The following SCN3A variants were observed in gnomAD, a reference collection of about 807,000 sequenced individuals.
SCN3A encodes sodium voltage-gated channel alpha subunit 3, also known as sodium channel protein type 3 subunit alpha.
In SCN3A, 60 loss-of-function variants were observed where a neutral mutation model predicts 187.6. That is an observed-to-expected ratio of 0.32 (90% CI 0.26 to 0.40). The LOEUF (loss-of-function observed/expected upper bound fraction) is 0.40. Among genes scored for constraint, SCN3A ranks in the 10% least tolerant of loss-of-function variants. The probability of loss-of-function intolerance (pLI) is 1.00; values close to 1 mark genes in which losing one functional copy is unlikely to be tolerated. For synonymous variants in SCN3A, 788 were observed against 829.2 expected (o/e 0.95, Z 0.85); for missense variants, 1,601 against 2,428.2 (o/e 0.66, Z 7.16).
chr2:165,128,328 G>A (rs1687117956), intron 17 of SCN3A, among the ~76,000 whole-genome samples: 1 of 151,902 alleles, frequency 6.6e-6, no homozygotes, highest in Non-Finnish European at 1.5e-5. Context: ...TTTCCTATTG[G>A]GAGGGACAAT....
intron 7 of SCN3A, among the ~76,000 whole-genome samples, chr2:165,163,397 A>G (rs943265963): frequency 6.6e-6 from 1 of 152,266 alleles, no homozygotes; most frequent in East Asian, 1.9e-4. Context: ...GCATTTTTTG[A>G]AGATGTCTCA....
chr2:165,133,588 C>T (rs2105786022), intron 15 of SCN3A, among the ~76,000 whole-genome samples: 1 of 152,008 alleles, frequency 6.6e-6, no homozygotes, highest in East Asian at 1.9e-4. Context: ...AAGTGATCTG[C>T]CCGCCTCAGC....
chr2:165,146,380 A>ATG (rs1326098670), intron 12 of SCN3A, among the ~76,000 whole-genome samples: 55 of 90,590 alleles, frequency 6.1e-4, no homozygotes, highest in African/African-American at 1.3e-3. Flanking sequence ...ATATATATAT[A>ATG]TATGTGTGTG....
In SCN3A at chr2:165,092,324, G is replaced by A. The variant is rs138063256; in HGVS notation, c.4737C>T (p.Ser1579=). 1 of 1,613,794 alleles carries A rather than the reference G, an allele frequency of 6.2e-7. No individual in the cohort carries two copies. Among genetic ancestry groups the A allele is most frequent in the Non-Finnish European group, 8.5e-7 (1 of 1,179,892 alleles). The change falls in exon 27 of 28, where the codon TCC becomes TCT. Residue 1579 remains serine (S), a synonymous_variant. Transcript: ENST00000283254. This position sits in a 1 kb window ranked among gnomAD's most constrained non-coding sequence, Gnocchi z 4.2. ...FTGEFVLKLV[S]LRHYYFTIGW... is the part of the protein sequence containing the mutation. ...CTATAGTGAAGTAGTAGTGTCTGAG[G>A]GAGACGAGCTTCAGCACAAATTCTC... is the stretch of plus-strand genomic sequence containing the variant.
chr2:165,146,688 A>G, intron 12 of SCN3A, 51 bp downstream of exon 12: 1 of 1,605,250 alleles, frequency 6.2e-7, no homozygotes, highest in Non-Finnish European at 8.5e-7. Context: ...ACAAAAACTA[A>G]AAAGCAATAG....
At chr2:165,186,274 C>T (rs74169446) in intron 2 of SCN3A, among the ~76,000 whole-genome samples, 1 of 131,908 alleles carries the variant, frequency 7.6e-6, no homozygotes, top group Non-Finnish European at 1.6e-5. Context: ...TGTCTCAAAA[C>T]AACAACAACA....
chr2:165,143,861 A>G (rs1344902890), intron 12 of SCN3A, among the ~76,000 whole-genome samples: 2 of 152,192 alleles, frequency 1.3e-5, no homozygotes, highest in African/African-American at 4.8e-5. Flanking sequence ...GGGAAAAGTC[A>G]AGATGGAAAA....
intron 11 of SCN3A, among the ~76,000 whole-genome samples, chr2:165,153,222 T>C (rs906507313): frequency 6.6e-6 from 1 of 152,094 alleles, no homozygotes; most frequent in Non-Finnish European, 1.5e-5. Context: ...TTTTATGCAG[T>C]TGGAATAATT....
chr2:165,146,457 G>GAT (rs3030593), intron 12 of SCN3A, among the ~76,000 whole-genome samples: 1 of 144,176 alleles, frequency 6.9e-6, no homozygotes, highest in Non-Finnish European at 1.5e-5. Context: ...TATACAGGTT[G>GAT]ATATATAGGT....
chr2:165,173,371 C>A (rs2105917359), intron 3 of SCN3A, among the ~76,000 whole-genome samples: 1 of 152,244 alleles, frequency 6.6e-6, no homozygotes, highest in East Asian at 1.9e-4. Flanking sequence ...TGGCCTTGAG[C>A]AAGTTACCTC....
intron 24 of SCN3A, among the ~76,000 whole-genome samples, 164 bp downstream of exon 24, chr2:165,096,303 C>T (rs1037412138): frequency 6.6e-6 from 1 of 152,120 alleles, no homozygotes; most frequent in Non-Finnish European, 1.5e-5. Flanking sequence ...GTATATTAGG[C>T]ACACATTAAT....
At chr2:165,102,521 A>T (rs966364141) in intron 21 of SCN3A, among the ~76,000 whole-genome samples, 10 of 140,186 alleles carry the variant, frequency 7.1e-5, no homozygotes, top group African/African-American at 1.4e-4. Flanking sequence ...TTTTCTCTTT[A>T]AAAAAAAAAA....
intron 21 of SCN3A, among the ~76,000 whole-genome samples, chr2:165,105,646 A>G (rs1685815226): frequency 6.6e-6 from 1 of 152,138 alleles, no homozygotes; most frequent in East Asian, 1.9e-4. Flanking sequence ...TACAGCAGGA[A>G]TAGAGCGCAG....
intron 22 of SCN3A, among the ~76,000 whole-genome samples, chr2:165,099,327 A>G (rs778205901): frequency 6.6e-6 from 1 of 152,164 alleles, no homozygotes; most frequent in Non-Finnish European, 1.5e-5. Context: ...TTAGATGCAT[A>G]ATATACATAT....
At chr2:165,094,250 T>C in intron 26 of SCN3A, 124 bp downstream of exon 26, 1 of 804,216 alleles carries the variant, frequency 1.2e-6, no homozygotes, top group East Asian at 2.4e-5. Flanking sequence ...ATGCAAAATA[T>C]GAACTTTATA....
chr2:165,109,966 A>C (rs777075630), intron 21 of SCN3A, among the ~76,000 whole-genome samples: 1 of 151,628 alleles, frequency 6.6e-6, no homozygotes, highest in Admixed American at 6.6e-5. Context: ...TTCCCACTTC[A>C]AGCGCTTCTG....
intron 6 of SCN3A, 152 bp downstream of exon 6, chr2:165,164,240 A>G: frequency 1.1e-6 from 1 of 935,454 alleles, no homozygotes; most frequent in Non-Finnish European, 1.7e-6. Flanking sequence ...ACATTGCAAT[A>G]TGTATTCTAA....
chr2:165,138,023 T>C lies in SCN3A; in HGVS notation c.2247A>G (p.Val749=). The change falls in exon 15 of 28, where the codon GTA becomes GTG. Residue 749 remains valine (V), a synonymous_variant. Transcript: ENST00000283254. ...IWDCCDAWLK[V]KHLVNLIVMD... ...TAACAATTAAATTCACAAGATGTTT[T>C]ACTTTTAACCATGCATCACAGCAGT... 1 of 1,613,692 alleles carries C rather than the reference T, an allele frequency of 6.2e-7. No homozygotes were observed. The highest frequency in any genetic ancestry group is 8.5e-7 in the Non-Finnish European group (1 of 1,179,666).
At position 165,097,128 on chromosome 2, in the gene SCN3A, G is replaced by C. The variant is rs1296640039; in HGVS notation, c.4239+124C>G. ...ATGATCAATTCAAGCTGATATTATA[G>C]GTGTTATCATTAACTTTTTTTCATG... On this transcript the variant is annotated intron_variant, in intron 23 of 27. Transcript: ENST00000283254. 5 of 896,520 alleles carry C rather than the reference G, an allele frequency of 5.6e-6. No homozygotes were observed. The Admixed American group carries it at 9.2e-5, about 16-fold the overall frequency. 55.5% of individuals were successfully genotyped at this position (896,520 alleles called of 1,614,324 possible).
Sources: gnomAD v4.1 joint callset for allele counts (sites outside exome capture counted in the v4.1 genomes callset) on GRCh38, gnomAD v4.1.1 for gene constraint, Gnocchi (gnomAD v3.1) non-coding constraint, MANE v1.5 for transcripts, NCBI Gene and HGNC (gene_info 2026-07-23, HGNC 2026-07-21) for gene names.